Variants in IL17RD observed in about 807,000 individuals in gnomAD.
IL17RD encodes the protein interleukin-17 receptor D.
A neutral mutation model predicts 80.5 loss-of-function variants in IL17RD; 52 were observed. The ratio of observed to expected loss-of-function variants is 0.65; its 90% CI spans 0.52 to 0.81. The LOEUF (loss-of-function observed/expected upper bound fraction) is 0.81. IL17RD is among the 40% of genes least tolerant of loss of function. The probability of loss-of-function intolerance (pLI) is 0.00; values close to 1 mark genes in which losing one functional copy is unlikely to be tolerated. For synonymous variants in IL17RD, 416 were observed against 391.8 expected (o/e 1.06, Z -0.73); for missense variants, 1,024 against 955.1 (o/e 1.07, Z -0.95).
At chr3:57,110,335 T>C in intron 3 of IL17RD, 24 bp from the exon 4 acceptor site, 1 of 1,564,168 alleles carries the variant, frequency 6.4e-7, no homozygotes, top group Non-Finnish European at 8.7e-7. Context: ...AATGCTTTTA[T>C]TAATAGTGAA....
intron 1 of IL17RD, 40 bp downstream of exon 1, chr3:57,165,121 C>T: frequency 2.7e-6 from 4 of 1,489,936 alleles, no homozygotes; most frequent in East Asian, 2.8e-5. Context: ...GCGTCCCCCG[C>T]GAGTTGGCGA....
chr3:57,124,657 C>T (rs4596115), intron 1 of IL17RD, among the ~76,000 whole-genome samples: 63,406 of 151,940 alleles, frequency 0.42, 13,744 homozygotes, highest in South Asian at 0.55. Context: ...CATTAAGATC[C>T]GTTTTAGAAT....
intron 2 of IL17RD, among the ~76,000 whole-genome samples, chr3:57,119,276 C>T (rs527494895): frequency 2.0e-5 from 3 of 150,780 alleles, no homozygotes; most frequent in Admixed American, 6.7e-5. Context: ...GGCACGGACC[C>T]GGGAGGTGGA....
chr3:57,109,856 C>G (rs1459184767), intron 4 of IL17RD, among the ~76,000 whole-genome samples, 199 bp from the exon 5 acceptor site: 1 of 152,198 alleles, frequency 6.6e-6, no homozygotes, highest in African/African-American at 2.4e-5. Context: ...ATGGACAATG[C>G]GGTCTGTTTT....
At chr3:57,161,342 A>G (rs1020508749) in intron 1 of IL17RD, among the ~76,000 whole-genome samples, 2 of 152,382 alleles carry the variant, frequency 1.3e-5, no homozygotes, top group South Asian at 4.1e-4. Flanking sequence ...CTGGGCCCAC[A>G]GCCAAGGATA....
chr3:57,108,725 AG>A (rs1409131164), intron 5 of IL17RD, among the ~76,000 whole-genome samples: 1 of 150,572 alleles, frequency 6.6e-6, no homozygotes, highest in East Asian at 2.0e-4. Flanking sequence ...CATATTTTTC[AG>A]GCTGGTCTCG....
rs184890000 is a variant in IL17RD at position 57,160,400 on chromosome 3, T to C, written c.126+4761A>G. On this transcript the variant is annotated intron_variant, in intron 1 of 12. Coordinates refer to ENST00000296318, the MANE Select transcript of IL17RD (RefSeq NM_017563.5). ...TTTCCTTTGTTGGGAAGTTGTAAGA[T>C]TTGAACTGCTGAGAATCTGATTTGG... Among the ~76,000 whole-genome samples, 17 of 152,292 alleles carry C rather than the reference T, an allele frequency of 1.1e-4. No individual in the cohort carries two copies. In the East Asian group the frequency reaches 3.3e-3, roughly 29 times the overall value.
At chr3:57,103,863 C>A (rs1486668804) in intron 8 of IL17RD, among the ~76,000 whole-genome samples, 2 of 152,048 alleles carry the variant, frequency 1.3e-5, no homozygotes, top group African/African-American at 4.8e-5. Flanking sequence ...CACCACCACG[C>A]CCAGCTAATT....
chr3:57,106,023 G>A lies in IL17RD; in HGVS notation c.596-15C>T. 1 of 1,613,646 alleles carries A rather than the reference G, an allele frequency of 6.2e-7. No homozygotes were observed. The highest frequency in any genetic ancestry group is 1.1e-5 in the South Asian group (1 of 91,034). On this transcript the variant is annotated splice_polypyrimidine_tract_variant and intron_variant, in intron 6 of 12. Transcript: ENST00000296318. ...AGGCTTCCAGACTGGAAGAAGGTAG[G>A]ACCCAGAGTGAGCAACCAGAGGCTA...
chr3:57,104,272 A>C (rs2107473298), intron 8 of IL17RD, 70 bp downstream of exon 8: 1 of 1,059,402 alleles, frequency 9.4e-7, no homozygotes, highest in East Asian at 2.5e-5. Flanking sequence ...TAGTGTTGTA[A>C]ACAGTTGGAA....
chr3:57,102,559 G>A lies in IL17RD; in HGVS notation c.899C>T (p.Ala300Val). 1 of 1,578,312 alleles carries A rather than the reference G, an allele frequency of 6.3e-7. No homozygotes were observed. Among genetic ancestry groups the A allele is most frequent in the Non-Finnish European group, 8.7e-7 (1 of 1,152,426 alleles). The change falls in exon 10 of 13, where the codon GCC becomes GTC. Residue 300 changes from alanine (A) to valine (V), a missense_variant. Ala to Val is a moderately conservative substitution (Grantham distance 64, BLOSUM62 0). Coordinates refer to ENST00000296318, the MANE Select transcript of IL17RD (RefSeq NM_017563.5). ...TACCAGTGGCACTGTGATGGCCACG[G>A]CTCTGATGGGCCCGGCCCACGGGGA... ...VHSPWAGPIR[A>V]VAITVPLVVI...
intron 1 of IL17RD, among the ~76,000 whole-genome samples, chr3:57,122,295 A>G (rs906211361): frequency 3.7e-4 from 56 of 152,202 alleles, no homozygotes; most frequent in Non-Finnish European, 6.5e-4. Context: ...GAAAACTATA[A>G]TCTAGAAGCC....
intron 1 of IL17RD, chr3:57,134,649 C>T (rs1263467305): frequency 3.9e-6 from 3 of 760,390 alleles, no homozygotes; most frequent in African/African-American, 1.7e-5. Flanking sequence ...AGCACGCAAG[C>T]ACCATGAAGA....
At chr3:57,118,646 GA>G (rs1434803238) in intron 2 of IL17RD, among the ~76,000 whole-genome samples, 1 of 152,128 alleles carries the variant, frequency 6.6e-6, no homozygotes, top group African/African-American at 2.4e-5. Context: ...CATGCCCTTA[GA>G]AAACAGTTCA....
intron 11 of IL17RD, 42 bp from the exon 12 acceptor site, chr3:57,098,580 G>C: frequency 7.3e-7 from 1 of 1,373,470 alleles, no homozygotes; most frequent in Non-Finnish European, 1.0e-6. Context: ...AGAAGGCTCG[G>C]GAAGAGGCTC....
At chr3:57,130,537 T>G (rs889727955) in intron 1 of IL17RD, among the ~76,000 whole-genome samples, 2 of 152,192 alleles carry the variant, frequency 1.3e-5, no homozygotes, top group African/African-American at 4.8e-5. Flanking sequence ...TATCTGCCTC[T>G]CTCTGCAAGG....
In IL17RD at chr3:57,098,329, G is replaced by C. The variant is rs202122540; in HGVS notation, c.1374C>G (p.Ala458=). Residue 458 remains alanine, a synonymous_variant, in exon 12 of 13, where the codon GCC becomes GCG. Coordinates refer to ENST00000296318, the MANE Select transcript of IL17RD (RefSeq NM_017563.5). ...TCTGCTTGGCCTGGCGGAGCTTTTC[G>C]GCAATGGCTGACACCGCCACCAGGA... ...ELFLVAVSAI[A]EKLRQAKQSS... The C allele has an allele frequency of 4.3e-6, 7 of 1,613,860 alleles. No homozygotes were observed. The African/African-American group carries it at 8.0e-5, about 18-fold the overall frequency.
intron 1 of IL17RD, 99 bp from the exon 2 acceptor site, chr3:57,120,412 C>A (rs895106195): frequency 2.5e-6 from 2 of 805,696 alleles, no homozygotes; most frequent in Non-Finnish European, 4.3e-6. Flanking sequence ...TGCTGAGACC[C>A]AGGGTCATGC....
Position 57,148,104 on chromosome 3 carries a change from G to GGGC in IL17RD, c.126+17056_126+17057insGCC, listed in dbSNP as rs1491387894. ...GGCCAAGGTTGGGGGGGGGGGGGGGGCGATCGCTAGGTCAAGAGTTCAAGA... is the reference window on the plus strand; with the variant it reads ...GGCCAAGGTTGGGGGGGGGGGGGGGGGGCCGATCGCTAGGTCAAGAGTTCAAGA... On this transcript the variant is annotated intron_variant, in intron 1 of 12. Transcript: ENST00000296318. 2.3e-3 allele frequency among the ~76,000 whole-genome samples: 104 copies of GGGC among 44,272 alleles called. 11 individuals are homozygous for GGGC. Among genetic ancestry groups the GGGC allele is most frequent in the Admixed American group, 4.9e-3 (16 of 3,242 alleles). 29.0% of individuals were successfully genotyped at this position (44,272 alleles called of 152,430 possible).
Sources: gnomAD v4.1 joint callset for allele counts (sites outside exome capture counted in the v4.1 genomes callset) on GRCh38, gnomAD v4.1.1 for gene constraint, MANE v1.5 for transcripts, NCBI Gene and HGNC (gene_info 2026-07-23, HGNC 2026-07-21) for gene names.